The following DNAH11 variants were observed in gnomAD, a reference collection of about 807,000 sequenced individuals.
DNAH11 encodes the protein axonemal beta dynein heavy chain 11.
DNAH11 carries 442 observed loss-of-function variants against 526.0 expected under a neutral mutation model. The ratio of observed to expected loss-of-function variants is 0.84; its 90% CI spans 0.78 to 0.91. The LOEUF (loss-of-function observed/expected upper bound fraction) is 0.91, where lower values mean the gene tolerates loss of function less well. DNAH11 is among the 40% of genes least tolerant of loss of function. The pLI, the probability that DNAH11 is intolerant of heterozygous loss-of-function variation, is 0.00. For synonymous variants in DNAH11, 2,461 were observed against 1,935.9 expected, an observed-to-expected ratio of 1.27 and a Z score of -7.12; for missense variants, 6,989 against 5,448.7, an observed-to-expected ratio of 1.28 and a Z score of -8.90.
Position 21,717,847 on chromosome 7 carries a change from A to C in DNAH11, c.7056A>C (p.Lys2352Asn), listed in dbSNP as rs774710286. 2.5e-6 allele frequency: 4 copies of C among 1,613,922 alleles called. No individual in the cohort carries two copies. The highest frequency in any genetic ancestry group is 3.4e-6 in the Non-Finnish European group (4 of 1,179,846). ...CCAATTTGACTATTCTTTTTGATAAATATGTCCCTGCATGCTTGGATAAAC... is the reference window on the plus strand; with the variant it reads ...CCAATTTGACTATTCTTTTTGATAACTATGTCCCTGCATGCTTGGATAAAC... ...EKANLTILFD[K>N]YVPACLDKLR... Residue 2352 changes from lysine to asparagine, a missense_variant, in exon 43 of 82, where the codon AAA (lysine) becomes AAC (asparagine). By Grantham distance (94) the Lys-to-Asn change is moderately conservative. Transcript: ENST00000409508.
Position 21,745,078 on chromosome 7 carries a change from C to T in DNAH11, c.8510+15C>T. 6.3e-7 allele frequency: 1 copy of T among 1,593,150 alleles called. No individual in the cohort carries two copies. Reference sequence around the variant, plus strand: ...ATGCAACATGTGTGAGTTAACTAGTCACGATGCTTTTCCACAAAAGGAAGA... The same window carrying T: ...ATGCAACATGTGTGAGTTAACTAGTTACGATGCTTTTCCACAAAAGGAAGA... On this transcript the variant is annotated intron_variant, in intron 51 of 81. Coordinates refer to ENST00000409508, the MANE Select transcript of DNAH11 (RefSeq NM_001277115.2).
intron 49 of DNAH11, among the ~76,000 whole-genome samples, chr7:21,743,139 C>A (rs1265613853): frequency 6.6e-6 from 1 of 152,242 alleles, no homozygotes; most frequent in East Asian, 1.9e-4. Context: ...AGGGGCCGTT[C>A]AGGCCATGGC....
chr7:21,543,686 C>G (rs1310913941), intron 1 of DNAH11, 90 bp downstream of exon 1: 10 of 1,409,406 alleles, frequency 7.1e-6, no homozygotes, highest in Non-Finnish European at 9.5e-6. Flanking sequence ...TCCCGCGGGG[C>G]GCTCACTCGG....
intron 2 of DNAH11, among the ~76,000 whole-genome samples, chr7:21,556,544 T>C (rs1336028137): frequency 2.0e-5 from 3 of 152,170 alleles, no homozygotes; most frequent in Admixed American, 6.5e-5. Flanking sequence ...TATCTTAGAT[T>C]CAAGGGGTGC....
At position 21,784,408 on chromosome 7, in the gene DNAH11, G is replaced by A. The variant is rs1788084032; in HGVS notation, c.9484-19G>A. ...GATAATAATTTATACGGGTTTGTGT[G>A]CTTTTCCTCTTTAATTAGGTGACAG... is the stretch of plus-strand genomic sequence containing the variant. On this transcript the variant is annotated intron_variant, in intron 57 of 81. Transcript: ENST00000409508. 4.4e-6 allele frequency: 7 copies of A among 1,584,612 alleles called. No individual in the cohort carries two copies. The highest frequency in any genetic ancestry group is 5.2e-6 in the Non-Finnish European group (6 of 1,155,508).
At chr7:21,768,349 G>A (rs752658483) in intron 55 of DNAH11, among the ~76,000 whole-genome samples, 2 of 152,136 alleles carry the variant, frequency 1.3e-5, no homozygotes, top group African/African-American at 2.4e-5. Context: ...GAGAAGCTGC[G>A]GTGTTGAAAA....
At chr7:21,876,244 T>A (rs771771841) in intron 74 of DNAH11, among the ~76,000 whole-genome samples, 1 of 152,182 alleles carries the variant, frequency 6.6e-6, no homozygotes, top group African/African-American at 2.4e-5. Flanking sequence ...CTGAACTTGA[T>A]GTTAAGTAGC....
chr7:21,564,045 GA>G, intron 5 of DNAH11, 140 bp from the exon 6 acceptor site: 4 of 553,100 alleles, frequency 7.2e-6, no homozygotes, highest in South Asian at 7.5e-5. Flanking sequence ...TAGATTGTAG[GA>G]TAAGTAATAT....
At chr7:21,643,395 C>A (rs1378815479) in intron 28 of DNAH11, among the ~76,000 whole-genome samples, 1 of 152,126 alleles carries the variant, frequency 6.6e-6, no homozygotes, top group Non-Finnish European at 1.5e-5. Context: ...TGCACATTTT[C>A]TTTCTCTTGT....
intron 15 of DNAH11, 31 bp downstream of exon 15, chr7:21,600,150 T>G (rs1226938895): frequency 1.1e-5 from 17 of 1,496,680 alleles, no homozygotes; most frequent in Non-Finnish European, 1.4e-5. Flanking sequence ...TATTTAGCTT[T>G]TATATTAATG....
intron 9 of DNAH11, among the ~76,000 whole-genome samples, chr7:21,585,102 T>C (rs2128441787): frequency 6.6e-6 from 1 of 152,266 alleles, no homozygotes; most frequent in South Asian, 2.1e-4. Flanking sequence ...AAAGGTTTTT[T>C]TCTTTAACTT....
chr7:21,852,787 T>G (rs72658803), intron 67 of DNAH11, among the ~76,000 whole-genome samples, 156 bp downstream of exon 67: 1,729 of 152,300 alleles, frequency 0.011, 42 homozygotes, highest in African/African-American at 0.039. Context: ...TGTGGGATTG[T>G]AAATGGAGAT....
chr7:21,812,444 G>A (rs1228642459), intron 63 of DNAH11, among the ~76,000 whole-genome samples: 1 of 152,102 alleles, frequency 6.6e-6, no homozygotes, highest in Non-Finnish European at 1.5e-5. Flanking sequence ...CAAGGCAAGA[G>A]GATCTCTTGA....
intron 2 of DNAH11, among the ~76,000 whole-genome samples, chr7:21,551,822 G>A (rs1783034997): frequency 6.6e-6 from 1 of 152,010 alleles, no homozygotes; most frequent in South Asian, 2.1e-4. Context: ...CCTTTCCATA[G>A]GAAACCAGCT....
chr7:21,728,232 C>T (rs148870932), intron 45 of DNAH11, among the ~76,000 whole-genome samples: 1 of 134,732 alleles, frequency 7.4e-6, no homozygotes, highest in African/African-American at 2.9e-5. Flanking sequence ...CAACAGCCCA[C>T]AATTCTTTTT....
At chr7:21,860,960 A>G (rs986255089) in intron 68 of DNAH11, among the ~76,000 whole-genome samples, 2 of 152,208 alleles carry the variant, frequency 1.3e-5, no homozygotes, top group African/African-American at 4.8e-5. Context: ...CCACCAGAAC[A>G]GTATGGGAGA....
intron 28 of DNAH11, among the ~76,000 whole-genome samples, chr7:21,648,743 A>C (rs977800587): frequency 3.9e-5 from 6 of 152,332 alleles, no homozygotes; most frequent in African/African-American, 1.4e-4. Flanking sequence ...GTGTATGTGG[A>C]TATATATTCA....
At chr7:21,795,852 T>A (rs73277742) in intron 61 of DNAH11, among the ~76,000 whole-genome samples, 1 of 152,296 alleles carries the variant, frequency 6.6e-6, no homozygotes, top group African/African-American at 2.4e-5. Context: ...AGGATGGGGT[T>A]GGGTGCTCAG....
chr7:21,606,657 C>A lies in DNAH11; in HGVS notation c.3776C>A (p.Ala1259Glu). 6.5e-7 allele frequency: 1 copy of A among 1,536,954 alleles called. No homozygotes were observed. Among genetic ancestry groups the A allele is most frequent in the Non-Finnish European group, 8.8e-7 (1 of 1,134,258 alleles). The change falls in exon 20 of 82, where the codon GCA becomes GAA. Residue 1259 changes from alanine (A) to glutamate (E), a missense_variant. Coordinates refer to ENST00000409508, the MANE Select transcript of DNAH11 (RefSeq NM_001277115.2). ...KKCILFDAKQAEFRERFRHYA... is the reference protein window; with the variant it reads ...KKCILFDAKQEEFRERFRHYA... The stretch of plus-strand genomic sequence containing the variant: ...TTTTGCAATGATCAGGCAAAGCAGG[C>A]AGAGTTCAGAGAGAGATTCAGACAC...
Sources: allele counts gnomAD v4.1 joint callset (sites outside exome capture counted in the v4.1 genomes callset), GRCh38; gene constraint gnomAD v4.1.1; transcripts MANE v1.5; gene names NCBI Gene and HGNC (gene_info 2026-07-23, HGNC 2026-07-21).